ZBTB20: variants seen among roughly 807,000 people sequenced by gnomAD.
ZBTB20 encodes the protein zinc finger and BTB domain-containing protein 20.
In ZBTB20, 9 loss-of-function variants were observed where a neutral mutation model predicts 56.9. The ratio of observed to expected loss-of-function variants is 0.16; its 90% CI spans 0.10 to 0.28. The LOEUF is 0.28. ZBTB20 is among the 10% of genes least tolerant of loss of function. ZBTB20 has a pLI of 1.00. For missense variants in ZBTB20, 655 were observed against 1,003.0 expected (o/e 0.65, Z 4.69); for synonymous variants, 417 against 420.7 (o/e 0.99, Z 0.11).
intron 4 of ZBTB20, among the ~76,000 whole-genome samples, chr3:114,811,461 GA>G (rs1172820116): frequency 6.6e-6 from 1 of 152,024 alleles, no homozygotes; most frequent in Non-Finnish European, 1.5e-5. Flanking sequence ...CCTATCACAT[GA>G]AAAGAGATAA....
intron 6 of ZBTB20, among the ~76,000 whole-genome samples, chr3:114,641,406 A>G (rs1035902179): frequency 4.0e-5 from 6 of 151,898 alleles, no homozygotes; most frequent in African/African-American, 9.7e-5. Context: ...TATTGTGAAC[A>G]GTTTTGTTAG....
Position 114,852,479 on chromosome 3 carries a change from G to T in ZBTB20, c.-417+47825C>A, listed in dbSNP as rs991360938. Among the ~76,000 whole-genome samples, 7 of 151,828 alleles carry T rather than the reference G, an allele frequency of 4.6e-5. No individual in the cohort carries two copies. In the East Asian group the frequency reaches 1.4e-3, roughly 29 times the overall value. ...GGGTTTCACCATGCTGGCCAGGCTG[G>T]TCTCAAACTCCCGACCTCAGCTGAT... On this transcript the variant is annotated intron_variant, in intron 4 of 11. Transcript: ENST00000675478.
intron 5 of ZBTB20, among the ~76,000 whole-genome samples, chr3:114,765,135 A>G (rs1024775971): frequency 2.0e-5 from 3 of 152,224 alleles, no homozygotes; most frequent in South Asian, 4.1e-4. Flanking sequence ...GCTTGCAAAC[A>G]TCTCTATTAT....
At chr3:114,602,578 C>A (rs1429260467) in intron 6 of ZBTB20, among the ~76,000 whole-genome samples, 1 of 151,966 alleles carries the variant, frequency 6.6e-6, no homozygotes. Flanking sequence ...TGCCTCTCCT[C>A]TCCAAATGTT....
intron 6 of ZBTB20, among the ~76,000 whole-genome samples, chr3:114,576,607 A>C (rs1559983821): frequency 6.6e-6 from 1 of 150,478 alleles, no homozygotes; most frequent in Non-Finnish European, 1.5e-5. Flanking sequence ...AAGAGGAGAC[A>C]GATGAAACAG....
At chr3:114,869,337 T>G (rs1020274699) in intron 4 of ZBTB20, among the ~76,000 whole-genome samples, 1 of 152,168 alleles carries the variant, frequency 6.6e-6, no homozygotes, top group Non-Finnish European at 1.5e-5. Context: ...AAAATAGTCT[T>G]TTATTAATTC....
intron 6 of ZBTB20, among the ~76,000 whole-genome samples, chr3:114,552,398 C>T (rs886430605): frequency 6.6e-6 from 1 of 151,792 alleles, no homozygotes; most frequent in Non-Finnish European, 1.5e-5. Context: ...GACAGTGACA[C>T]CTTTTTGAGC....
chr3:115,123,816 AC>A (rs1176250141), intron 1 of ZBTB20, among the ~76,000 whole-genome samples: 9 of 152,200 alleles, frequency 5.9e-5, no homozygotes, highest in Non-Finnish European at 1.0e-4. Context: ...GAATAAAAAT[AC>A]GTGGCACTAG....
At chr3:114,933,088 T>C (rs1052588961) in intron 3 of ZBTB20, among the ~76,000 whole-genome samples, 9 of 152,100 alleles carry the variant, frequency 5.9e-5, no homozygotes, top group African/African-American at 2.2e-4. Context: ...CTAAAACCCA[T>C]AAGTAAAGCC....
At chr3:114,492,316 C>G (rs550362690) in intron 7 of ZBTB20, among the ~76,000 whole-genome samples, 1 of 152,288 alleles carries the variant, frequency 6.6e-6, no homozygotes, top group Non-Finnish European at 1.5e-5. Context: ...AATATGCTCA[C>G]TATGTATCTA....
intron 6 of ZBTB20, among the ~76,000 whole-genome samples, chr3:114,678,448 T>C (rs1344297929): frequency 7.2e-5 from 11 of 152,166 alleles, no homozygotes; most frequent in African/African-American, 1.9e-4. Context: ...CTATAGGATA[T>C]TGTTAATACT....
rs1007826656 is a variant in ZBTB20, at chr3:114,959,701, A to G, written c.-456+14665T>C. ...ATGTACACACACACCACACACACAC[A>G]CATCTATATTTATATACATACACAC... On this transcript the variant is annotated intron_variant, in intron 3 of 11. Coordinates refer to ENST00000675478, the MANE Select transcript of ZBTB20 (RefSeq NM_001348800.3). 4.2e-5 allele frequency among the ~76,000 whole-genome samples: 6 copies of G among 141,398 alleles called. No individual in the cohort carries two copies. The East Asian group carries it at 9.8e-4, about 23-fold the overall frequency. The allele number at this position is 141,398 out of a possible 152,430, so 92.8% of individuals were successfully genotyped here.
intron 2 of ZBTB20, among the ~76,000 whole-genome samples, chr3:115,020,500 T>C (rs2080160532): frequency 6.6e-6 from 1 of 151,156 alleles, no homozygotes; most frequent in African/African-American, 2.4e-5. Context: ...GCCCAACTAG[T>C]TATGGCAGCT....
chr3:114,351,204 G>T lies in ZBTB20; in HGVS notation c.874C>A (p.His292Asn), dbSNP rs771109070. ...MEDPSWITRI[H>N]ERSQQMERYL... Reference sequence around the variant, plus strand: ...CGCTCCATCTGCTGCGAGCGCTCATGGATGCGTGTGATCCAGCTGGGGTCT... The same window carrying T: ...CGCTCCATCTGCTGCGAGCGCTCATTGATGCGTGTGATCCAGCTGGGGTCT... The change falls in exon 11 of 12, where the codon CAT becomes AAT. Residue 292 changes from histidine to asparagine, a missense_variant. Around this residue, in one of 10 missense-constraint regions of ZBTB20, gnomAD observed 167 missense variants for 281.9 expected, o/e 0.59. Transcript: ENST00000675478. 1.2e-6 allele frequency: 2 copies of T among 1,602,350 alleles called. No homozygotes were observed.
intron 1 of ZBTB20, among the ~76,000 whole-genome samples, chr3:115,131,756 C>T (rs1576825077): frequency 1.3e-5 from 2 of 152,258 alleles, no homozygotes; most frequent in East Asian, 3.9e-4. Context: ...CCACCAGTAA[C>T]AAATACTGTT....
At chr3:114,945,478 T>C (rs145794039) in intron 3 of ZBTB20, among the ~76,000 whole-genome samples, 2 of 145,354 alleles carry the variant, frequency 1.4e-5, no homozygotes, top group East Asian at 3.9e-4. Flanking sequence ...AATATAATTA[T>C]TCATTGAAAA....
intron 4 of ZBTB20, among the ~76,000 whole-genome samples, chr3:114,802,467 A>T (rs2108845340): frequency 6.6e-6 from 1 of 152,030 alleles, no homozygotes; most frequent in East Asian, 1.9e-4. Context: ...TTCACTCATG[A>T]ATGAGATTAG....
chr3:114,549,538 T>A (rs2050298423), intron 6 of ZBTB20, among the ~76,000 whole-genome samples: 1 of 152,212 alleles, frequency 6.6e-6, no homozygotes, highest in African/African-American at 2.4e-5. Context: ...TCTACTAGCA[T>A]CAATTTCTTT....
At chr3:114,711,979 T>A (rs2064118323) in intron 5 of ZBTB20, among the ~76,000 whole-genome samples, 1 of 152,230 alleles carries the variant, frequency 6.6e-6, no homozygotes, top group Non-Finnish European at 1.5e-5. Context: ...CTTATCCATC[T>A]TGTATCCCAA....
Sources: gnomAD v4.1 joint callset for allele counts (sites outside exome capture counted in the v4.1 genomes callset) on GRCh38, gnomAD v4.1.1 for gene constraint, gnomAD v4.1.1 regional missense constraint, MANE v1.5 for transcripts, NCBI Gene and HGNC (gene_info 2026-07-23, HGNC 2026-07-21) for gene names.